The following DOCK1 variants were observed in gnomAD, a reference collection of about 807,000 sequenced individuals.
DOCK1 encodes dedicator of cytokinesis protein 1.
In DOCK1, 138 loss-of-function variants were observed where a neutral mutation model predicts 262.7. The ratio of observed to expected loss-of-function variants is 0.53; its 90% confidence interval spans 0.46 to 0.61. The LOEUF (loss-of-function observed/expected upper bound fraction) is 0.61. Ranked by LOEUF, DOCK1 falls within the 20% of genes least tolerant of loss-of-function variation. DOCK1 has a pLI of 0.00. For missense variants in DOCK1, 1,908 were observed against 2,370.7 expected, an observed-to-expected ratio of 0.80 and a Z score of 4.05; for synonymous variants, 866 against 867.4, an observed-to-expected ratio of 1.00 and a Z score of 0.03.
chr10:126,943,245 T>TC (rs1387569007), intron 1 of DOCK1, among the ~76,000 whole-genome samples: 1 of 152,184 alleles, frequency 6.6e-6, no homozygotes, highest in African/African-American at 2.4e-5. Flanking sequence ...AGAGAGAGAC[T>TC]CCATCTCAAA....
chr10:127,137,979 G>T, intron 27 of DOCK1: 6 of 1,613,332 alleles, frequency 3.7e-6, no homozygotes, highest in Non-Finnish European at 5.1e-6. Flanking sequence ...TCTTAGAACC[G>T]GCTGGAGTTT....
At chr10:127,168,600 T>G (rs1395733950) in intron 27 of DOCK1, among the ~76,000 whole-genome samples, 3 of 152,202 alleles carry the variant, frequency 2.0e-5, no homozygotes. Flanking sequence ...AATTGGGCCA[T>G]TCTCAGCTAA....
intron 27 of DOCK1, among the ~76,000 whole-genome samples, chr10:127,143,038 G>A (rs2051422341): frequency 6.6e-6 from 1 of 152,188 alleles, no homozygotes; most frequent in Admixed American, 6.5e-5. Flanking sequence ...TGCCGCATGT[G>A]ATTTTGCAGA....
chr10:127,411,959 T>C (rs537142698), intron 43 of DOCK1, among the ~76,000 whole-genome samples: 124 of 152,210 alleles, frequency 8.1e-4, no homozygotes, highest in African/African-American at 2.9e-3. Context: ...TATTTTTTTA[T>C]TTTTATTTGT....
At chr10:127,041,694 C>CT (rs1209343839) in intron 19 of DOCK1, among the ~76,000 whole-genome samples, 1 of 152,188 alleles carries the variant, frequency 6.6e-6, no homozygotes, top group Non-Finnish European at 1.5e-5. Context: ...GCAAGGTCTC[C>CT]AATTTCTCTG....
chr10:127,075,169 CAAAAAAAAAAAAAAAAA>C lies in DOCK1; in HGVS notation c.2445+13407_2445+13423del, dbSNP rs71032536. ...GGGCAACAAGAGCGAAACTCTGTCT[CAAAAAAAAAAAAAAAAA>C]AAAAAAAAAAAAAGGAGAGTTGTTA... On this transcript the variant is annotated intron_variant, in intron 23 of 51. Transcript: ENST00000623213. Among the ~76,000 whole-genome samples, 32 of 64,322 alleles carry C rather than the reference CAAAAAAAAAAAAAAAAA, an allele frequency of 5.0e-4. 1 individual carries two copies. The highest frequency in any genetic ancestry group is 2.1e-3 in the African/African-American group (30 of 14,218). 42.2% of individuals were successfully genotyped at this position (64,322 alleles called of 152,430 possible).
chr10:126,978,120 GGTAGGAAT>G, intron 3 of DOCK1, 132 bp downstream of exon 3: 1 of 868,028 alleles, frequency 1.2e-6, no homozygotes. Flanking sequence ...AAAATATATG[GGTAGGAAT>G]GTGAACGAGC....
At chr10:127,144,096 T>C (rs2051546439) in intron 27 of DOCK1, among the ~76,000 whole-genome samples, 1 of 152,068 alleles carries the variant, frequency 6.6e-6, no homozygotes, top group South Asian at 2.1e-4. Context: ...CTTCCACTGC[T>C]CTAGTCCAGA....
chr10:126,937,671 A>C (rs1012220996), intron 1 of DOCK1, among the ~76,000 whole-genome samples: 72 of 151,658 alleles, frequency 4.7e-4, no homozygotes, highest in Middle Eastern at 3.2e-3. Context: ...AGAAATGTTT[A>C]TTCAAGCTCT....
rs1219645479 is a variant in DOCK1 at position 127,430,541 on chromosome 10, C to T, written c.4915-2742C>T. On this transcript the variant is annotated intron_variant, in intron 47 of 51. Transcript: ENST00000623213. ...CTTCAGTCTTGTGGCCTCTGAGGGC[C>T]GGCCAAGGTTCTAACATCACACTCG... Among the ~76,000 whole-genome samples, 6 of 152,190 alleles carry T rather than the reference C, an allele frequency of 3.9e-5. No individual in the cohort carries two copies. The East Asian group carries it at 5.8e-4, about 15-fold the overall frequency.
At chr10:127,017,305 A>G (rs918760142) in intron 12 of DOCK1, among the ~76,000 whole-genome samples, 17 of 148,726 alleles carry the variant, frequency 1.1e-4, no homozygotes, top group African/African-American at 4.3e-4. Flanking sequence ...GGGTATAGAC[A>G]CAGACACGCA....
At chr10:127,081,887 G>A (rs570298794) in intron 23 of DOCK1, among the ~76,000 whole-genome samples, 13 of 152,238 alleles carry the variant, frequency 8.5e-5, no homozygotes, top group Admixed American at 2.0e-4. Flanking sequence ...CGTCACCACC[G>A]TAATCAAGAG....
intron 27 of DOCK1, among the ~76,000 whole-genome samples, chr10:127,171,410 A>G (rs1465075200): frequency 1.3e-5 from 2 of 152,234 alleles, no homozygotes; most frequent in African/African-American, 4.8e-5. Context: ...GCGGGATTCA[A>G]AGAATACTGG....
rs2048783687 is a variant in DOCK1, at chr10:127,110,239, TC to T, written c.2517-7del. ...CTCAAAATTATTTCCCTTGTGTTTT[TC>T]CTCACAGCAAAATGTTTACTGAATT... On this transcript the variant is annotated splice_polypyrimidine_tract_variant and splice_region_variant and intron_variant, in intron 24 of 51. Transcript: ENST00000623213. The T allele has an allele frequency of 6.2e-7, 1 of 1,608,710 alleles. No individual in the cohort carries two copies. The highest frequency in any genetic ancestry group is 8.5e-7 in the Non-Finnish European group (1 of 1,177,024).
chr10:126,908,428 C>T (rs974602287), intron 1 of DOCK1, among the ~76,000 whole-genome samples: 2 of 152,220 alleles, frequency 1.3e-5, no homozygotes, highest in African/African-American at 4.8e-5. Flanking sequence ...CACACTTCCA[C>T]TCTGGCCACT....
chr10:127,197,267 C>T lies in DOCK1; in HGVS notation c.2848-50741C>T, dbSNP rs369532376. On this transcript the variant is annotated intron_variant, in intron 27 of 51. Transcript: ENST00000623213. ...TACCCCCCATCCAGAGCACACACCA[C>T]CCGTCAGCAGAAGCCACAGGGCGCA... is the stretch of plus-strand genomic sequence containing the variant. Among the ~76,000 whole-genome samples the T allele has an allele frequency of 7.9e-5, 12 of 152,332 alleles. No individual in the cohort carries two copies. In the South Asian group the frequency reaches 1.2e-3, roughly 16 times the overall value.
chr10:127,252,426 A>G (rs1228812744), intron 28 of DOCK1, among the ~76,000 whole-genome samples: 1 of 145,042 alleles, frequency 6.9e-6, no homozygotes, highest in African/African-American at 2.5e-5. Context: ...TTTTGTTGCC[A>G]TTGCTTTTGG....
chr10:127,057,096 C>A (rs941616334), intron 22 of DOCK1, among the ~76,000 whole-genome samples: 1 of 152,112 alleles, frequency 6.6e-6, no homozygotes, highest in Non-Finnish European at 1.5e-5. Context: ...GGAAAAAGAG[C>A]CCCACGTCCC....
At position 127,175,074 on chromosome 10, in the gene DOCK1, C is replaced by T. The variant is rs1014267804; in HGVS notation, c.2847+47310C>T. The T allele has an allele frequency of 2.3e-5, 17 of 726,752 alleles. No homozygotes were observed. The Admixed American group carries it at 2.7e-4, about 12-fold the overall frequency. The allele number at this position is 726,752 out of a possible 1,614,324, so 45.0% of individuals were successfully genotyped here. ...TAAAATAATCTGCGACCCCTTGGAG[C>T]TCGCCACGCCCTTAGACTATGACCT... On this transcript the variant is annotated intron_variant, in intron 27 of 51. Transcript: ENST00000623213. This position sits in a 1 kb window ranked among gnomAD's most constrained non-coding sequence, Gnocchi z 6.3.
Sources: allele counts gnomAD v4.1 joint callset (sites outside exome capture counted in the v4.1 genomes callset), GRCh38; gene constraint gnomAD v4.1.1; non-coding constraint Gnocchi (gnomAD v3.1); transcripts MANE v1.5; gene names NCBI Gene and HGNC (gene_info 2026-07-23, HGNC 2026-07-21).